PLEKHA5: variants seen among roughly 807,000 people sequenced by gnomAD.
PLEKHA5 encodes pleckstrin homology domain containing A5.
Under a neutral mutation model 181.9 loss-of-function variants are expected in PLEKHA5, and 55 were observed. The ratio of observed to expected loss-of-function variants is 0.30; its 90% CI spans 0.24 to 0.38. The LOEUF (loss-of-function observed/expected upper bound fraction) is 0.38, where lower values mean the gene tolerates loss of function less well. PLEKHA5 is among the 10% of genes least tolerant of loss of function. The pLI, the probability that PLEKHA5 is intolerant of heterozygous loss-of-function variation, is 1.00. For missense variants in PLEKHA5, 1,432 were observed against 1,549.5 expected, an observed-to-expected ratio of 0.92 and a Z score of 1.27; for synonymous variants, 535 against 529.4, an observed-to-expected ratio of 1.01 and a Z score of -0.15.
chr12:19,172,099 A>T (rs2046032401), intron 3 of PLEKHA5, among the ~76,000 whole-genome samples: 1 of 152,262 alleles, frequency 6.6e-6, no homozygotes, highest in Non-Finnish European at 1.5e-5. Context: ...TTTGGTAAAT[A>T]CATAAGCCAT....
chr12:19,160,145 TTA>T (rs534759572), intron 3 of PLEKHA5, among the ~76,000 whole-genome samples: 164 of 152,222 alleles, frequency 1.1e-3, no homozygotes, highest in African/African-American at 3.6e-3. Flanking sequence ...GTAAATAACT[TTA>T]TGTTTTAGTT....
At chr12:19,267,720 T>C (rs1301589741) in intron 8 of PLEKHA5, among the ~76,000 whole-genome samples, 1 of 150,620 alleles carries the variant, frequency 6.6e-6, no homozygotes, top group East Asian at 2.0e-4. Context: ...TCCCAGCACT[T>C]TGGGAGGCTG....
intron 3 of PLEKHA5, among the ~76,000 whole-genome samples, chr12:19,170,206 C>A (rs571723904): frequency 1.1e-4 from 17 of 152,248 alleles, no homozygotes; most frequent in East Asian, 3.9e-4. Context: ...TTGATAAAAT[C>A]AAAATGTCTG....
rs1210186713 is a variant in PLEKHA5, at chr12:19,361,561, AT to A, written c.3484-16del. On this transcript the variant is annotated intron_variant, in intron 28 of 31. Transcript: ENST00000429027. ...GTGATAAGAATTCTTTGAAAAGAAA[AT>A]TTTTCTTTTTATTCTACAGTTAAAA... is the stretch of plus-strand genomic sequence containing the variant. The A allele has an allele frequency of 1.6e-6, 2 of 1,237,604 alleles. No homozygotes were observed. The highest frequency in any genetic ancestry group is 1.3e-5 in the South Asian group (1 of 75,058). The allele number at this position is 1,237,604 out of a possible 1,614,324, so 76.7% of individuals were successfully genotyped here.
At chr12:19,297,628 C>CAAAAAA (rs934426933) in intron 15 of PLEKHA5, among the ~76,000 whole-genome samples, 1 of 63,758 alleles carries the variant, frequency 1.6e-5, no homozygotes, top group East Asian at 4.7e-4. Flanking sequence ...GGCTCCGTCT[C>CAAAAAA]AAAAAAAAAA....
At chr12:19,331,330 TA>T (rs1830603478) in intron 20 of PLEKHA5, among the ~76,000 whole-genome samples, 1 of 152,168 alleles carries the variant, frequency 6.6e-6, no homozygotes, top group Non-Finnish European at 1.5e-5. Context: ...TTCCTCATAT[TA>T]AAAACTTGGA....
intron 15 of PLEKHA5, among the ~76,000 whole-genome samples, chr12:19,312,813 C>G (rs746996650): frequency 6.6e-6 from 1 of 152,240 alleles, no homozygotes; most frequent in Non-Finnish European, 1.5e-5. Flanking sequence ...GCCTTCTCAA[C>G]TTGGGTAAAT....
chr12:19,317,533 C>G (rs1308604750), intron 16 of PLEKHA5, among the ~76,000 whole-genome samples: 1 of 151,920 alleles, frequency 6.6e-6, no homozygotes, highest in Non-Finnish European at 1.5e-5. Flanking sequence ...TTTTTGCCAT[C>G]TGTGGATATA....
At chr12:19,373,818 A>G (rs2095646663) in intron 31 of PLEKHA5, 1 of 152,230 alleles carries the variant, frequency 6.6e-6, no homozygotes, top group African/African-American at 2.4e-5. Context: ...CCATTCACAT[A>G]ATATTTTGAT....
intron 25 of PLEKHA5, among the ~76,000 whole-genome samples, chr12:19,353,360 T>C (rs1362248169): frequency 1.3e-5 from 2 of 152,098 alleles, no homozygotes; most frequent in African/African-American, 4.8e-5. Context: ...TTTCACCATG[T>C]TGGCTAAGCT....
rs191008890 is a variant in PLEKHA5 at position 19,342,847 on chromosome 12, G to A, written c.2551-476G>A. ...AAATTCATCTTGATATATTTTGTTAGTTGTACCTTTGTTGTTGTTTTTATG... is the reference window on the plus strand; with the variant it reads ...AAATTCATCTTGATATATTTTGTTAATTGTACCTTTGTTGTTGTTTTTATG... On this transcript the variant is annotated intron_variant, in intron 21 of 31. Coordinates refer to ENST00000429027, the MANE Select transcript of PLEKHA5 (RefSeq NM_001256470.2). 3.2e-4 allele frequency among the ~76,000 whole-genome samples: 48 copies of A among 152,210 alleles called. 1 individual carries two copies. The highest frequency in any genetic ancestry group is 3.0e-3 in the Admixed American group (46 of 15,254).
chr12:19,324,342 G>T (rs568328074), intron 20 of PLEKHA5, among the ~76,000 whole-genome samples: 31 of 151,994 alleles, frequency 2.0e-4, no homozygotes, highest in Non-Finnish European at 4.1e-4. Context: ...TATTTCTGTT[G>T]TCTCATTTGA....
At chr12:19,253,529 G>A (rs2065978833) in intron 3 of PLEKHA5, among the ~76,000 whole-genome samples, 1 of 151,934 alleles carries the variant, frequency 6.6e-6, no homozygotes. Flanking sequence ...ATCTCAAAAG[G>A]CTGGCGGCCA....
At chr12:19,281,680 T>A (rs1024466680) in intron 11 of PLEKHA5, among the ~76,000 whole-genome samples, 11 of 152,186 alleles carry the variant, frequency 7.2e-5, no homozygotes, top group African/African-American at 2.7e-4. Flanking sequence ...CTTTTAAAAA[T>A]CTTTTTTATA....
intron 3 of PLEKHA5, among the ~76,000 whole-genome samples, chr12:19,144,773 A>G (rs1016081881): frequency 6.6e-6 from 1 of 152,228 alleles, no homozygotes; most frequent in African/African-American, 2.4e-5. Flanking sequence ...AAGTGGATAT[A>G]CTGGTGTGTT....
chr12:19,234,186 G>A lies in PLEKHA5; in HGVS notation c.228-19754G>A, dbSNP rs765755059. 2.6e-4 allele frequency among the ~76,000 whole-genome samples: 40 copies of A among 152,192 alleles called. 1 individual carries two copies. Among genetic ancestry groups the A allele is most frequent in the Non-Finnish European group, 1.0e-4 (7 of 68,004 alleles). On this transcript the variant is annotated intron_variant, in intron 3 of 31. Transcript: ENST00000429027. The stretch of plus-strand genomic sequence containing the variant: ...ACTACTGCTACCTCTAACTGAAATC[G>A]CCTCTTGAAACAGTCAGGTCAGCTG...
In PLEKHA5 at chr12:19,361,615, C is replaced by G; in HGVS notation, c.3517C>G (p.Leu1173Val). ...KKTENISYEM[L>V]FEPEPNGVNS... The stretch of plus-strand genomic sequence containing the variant: ...AACTGAAAACATTTCATATGAAATG[C>G]TTTTTGAACCTGAGCCAAATGGAGT... The change falls in exon 29 of 32, where the codon CTT becomes GTT. Residue 1173 changes from leucine (L) to valine (V), a missense_variant. Around this residue, in one of 2 missense-constraint regions of PLEKHA5, gnomAD observed 1,143 missense variants for 1,168.4 expected, o/e 0.98. Transcript: ENST00000429027. 6.5e-7 allele frequency: 1 copy of G among 1,534,632 alleles called. No homozygotes were observed.
Position 19,291,676 on chromosome 12 carries a change from C to A in PLEKHA5, c.2016C>A (p.Asn672Lys). The A allele has an allele frequency of 6.6e-7, 1 of 1,515,438 alleles. No individual in the cohort carries two copies. The highest frequency in any genetic ancestry group is 8.9e-7 in the Non-Finnish European group (1 of 1,129,298). The allele number at this position is 1,515,438 out of a possible 1,614,324, so 93.9% of individuals were successfully genotyped here. ...TTCTTTCACATCATCTCCAAAGGAA[C>A]ACCATATATTTGGATCATCAGGTGG... ...NEILSHHLQR[N>K]TIYLDHQMKE... is the part of the protein sequence containing the mutation. The change falls in exon 15 of 32, where the codon AAC becomes AAA. Residue 672 changes from asparagine (N) to lysine (K), a missense_variant. Asn to Lys is a moderately conservative substitution (Grantham distance 94, BLOSUM62 0). This residue lies in a region of PLEKHA5 where 1,143 missense variants were observed against 1,168.4 expected (regional missense o/e 0.98). Coordinates refer to ENST00000429027, the MANE Select transcript of PLEKHA5 (RefSeq NM_001256470.2).
chr12:19,172,910 C>T (rs1261887948), intron 3 of PLEKHA5, among the ~76,000 whole-genome samples: 1 of 142,944 alleles, frequency 7.0e-6, no homozygotes, highest in Non-Finnish European at 1.5e-5. Flanking sequence ...GGTGATCATT[C>T]TCCTCGTGTC....
Sources: gnomAD v4.1 joint callset for allele counts (sites outside exome capture counted in the v4.1 genomes callset) on GRCh38, gnomAD v4.1.1 for gene constraint, gnomAD v4.1.1 regional missense constraint, MANE v1.5 for transcripts, NCBI Gene and HGNC (gene_info 2026-07-23, HGNC 2026-07-21) for gene names.